Variants in GOLGA3 observed in about 807,000 individuals in gnomAD.
GOLGA3 encodes golgin subfamily A member 3.
Under a neutral mutation model 169.4 loss-of-function variants are expected in GOLGA3, and 75 were observed. The observed-to-expected ratio is 0.44, with a 90% CI of 0.37 to 0.54. The LOEUF (loss-of-function observed/expected upper bound fraction) is 0.54. GOLGA3 is among the 20% of genes least tolerant of loss of function. GOLGA3 has a pLI of 0.00. For missense variants in GOLGA3, 1,899 were observed against 1,930.0 expected, an observed-to-expected ratio of 0.98 and a Z score of 0.30; for synonymous variants, 824 against 822.4, an observed-to-expected ratio of 1.00 and a Z score of -0.03.
intron 23 of GOLGA3, 143 bp downstream of exon 23, chr12:132,774,014 G>A: frequency 1.5e-6 from 1 of 676,006 alleles, no homozygotes. Flanking sequence ...AACCTCAGAG[G>A]CTATGTATGC....
rs778564659 is a variant in GOLGA3, at chr12:132,777,762, A to T, written c.3626T>A (p.Phe1209Tyr). 6.7e-5 allele frequency: 108 copies of T among 1,613,812 alleles called. No homozygotes were observed. Among genetic ancestry groups the T allele is most frequent in the Non-Finnish European group, 7.6e-5 (90 of 1,179,950 alleles). The change falls in exon 19 of 24, where the codon TTC becomes TAC. Residue 1209 changes from phenylalanine (F) to tyrosine (Y), a missense_variant. By Grantham distance (22) the Phe-to-Tyr change is conservative. Coordinates refer to ENST00000450791, the MANE Select transcript of GOLGA3 (RefSeq NM_001389683.1). This position sits in a 1 kb window ranked among gnomAD's most constrained non-coding sequence, Gnocchi z 4.7. ...ACTCAGCTCCAAGGAGGCCGCCTTGAAGTGGCGGCGGTTATGCCCGGCTTC... is the reference window on the plus strand; with the variant it reads ...ACTCAGCTCCAAGGAGGCCGCCTTGTAGTGGCGGCGGTTATGCCCGGCTTC... ...KVEAGHNRRH[F>Y]KAASLELSEV...
chr12:132,778,573 A>T (rs1276455667), intron 18 of GOLGA3, among the ~76,000 whole-genome samples: 1 of 152,026 alleles, frequency 6.6e-6, no homozygotes, highest in African/African-American at 2.4e-5. Context: ...TCCATCTCAA[A>T]ATCTCAAAAA....
chr12:132,782,907 A>T (rs914793561), intron 16 of GOLGA3, among the ~76,000 whole-genome samples: 4 of 151,880 alleles, frequency 2.6e-5, no homozygotes, highest in African/African-American at 7.3e-5. Context: ...AAGAAAAGAA[A>T]AGAAACATCG....
chr12:132,786,430 T>C lies in GOLGA3; in HGVS notation c.3032A>G (p.Gln1011Arg), dbSNP rs755150138. The change falls in exon 15 of 24, where the codon CAG (glutamine) becomes CGG (arginine). Residue 1011 changes from glutamine to arginine, a missense_variant. Transcript: ENST00000450791. ...AGCCTCCTTGGCCGCGAGGGCCTCC[T>C]GCAGGCGGCGGCTGAGGATGCCCAC... ...NAVGILSRRL[Q>R]EALAAKEAAD... is the part of the protein sequence containing the mutation. The C allele has an allele frequency of 9.3e-6, 15 of 1,613,396 alleles. No individual in the cohort carries two copies. Among genetic ancestry groups the C allele is most frequent in the African/African-American group, 1.3e-5 (1 of 74,920 alleles).
In GOLGA3 at chr12:132,822,323, G is replaced by C. The variant is rs1200079112; in HGVS notation, c.-183-12C>G. 2.3e-6 allele frequency: 3 copies of C among 1,297,558 alleles called. No individual in the cohort carries two copies. The highest frequency in any genetic ancestry group is 3.1e-5 in the East Asian group (1 of 31,774). 80.4% of individuals were successfully genotyped at this position (1,297,558 alleles called of 1,614,324 possible). The stretch of plus-strand genomic sequence containing the variant: ...TAATATCATGATACCTGACAGGAGA[G>C]AGAGACAAAATGTATTATGAAACTT... On this transcript the variant is annotated splice_polypyrimidine_tract_variant and intron_variant, in intron 1 of 23. Transcript: ENST00000450791.
At position 132,783,878 on chromosome 12, in the gene GOLGA3, T is replaced by C. The variant is rs555311682; in HGVS notation, c.3267+286A>G. The C allele has an allele frequency of 5.1e-4, 725 of 1,422,632 alleles. 6 individuals are homozygous for C. The South Asian group carries it at 8.0e-3, about 16-fold the overall frequency. 88.1% of individuals were successfully genotyped at this position (1,422,632 alleles called of 1,614,324 possible). Reference sequence around the variant, plus strand: ...GGCATGAGCCACTCGCCTGGCGAAGTTGGGTTTCTTATTTGCAACCAAAGC... The same window carrying C: ...GGCATGAGCCACTCGCCTGGCGAAGCTGGGTTTCTTATTTGCAACCAAAGC... On this transcript the variant is annotated intron_variant, in intron 16 of 23. Transcript: ENST00000450791.
chr12:132,791,386 C>G, intron 11 of GOLGA3, 93 bp from the exon 12 acceptor site: 1 of 663,806 alleles, frequency 1.5e-6, no homozygotes, highest in Non-Finnish European at 2.7e-6. Flanking sequence ...AGGAGGGGAA[C>G]ACATCTGCAC....
Position 132,799,087 on chromosome 12 carries a change from G to A in GOLGA3, c.1801-610C>T, listed in dbSNP as rs114017726. ...CTGGGGCCTGAGGCTAGACCTGCCC[G>A]CATCGCCTCTAGCTCCATGCTGCTT... On this transcript the variant is annotated intron_variant, in intron 8 of 23. Transcript: ENST00000450791. Among the ~76,000 whole-genome samples the A allele has an allele frequency of 9.1e-3, 1,380 of 152,320 alleles. 29 individuals carry two copies. The highest frequency in any genetic ancestry group is 0.031 in the African/African-American group (1,299 of 41,554).
chr12:132,789,022 C>A lies in GOLGA3; in HGVS notation c.2811+5G>T. 2 of 1,529,568 alleles carry A rather than the reference C, an allele frequency of 1.3e-6. No homozygotes were observed. Among genetic ancestry groups the A allele is most frequent in the African/African-American group, 1.4e-5 (1 of 72,140 alleles). 94.7% of individuals were successfully genotyped at this position (1,529,568 alleles called of 1,614,324 possible). A position where few individuals can be genotyped will look rare whatever the true frequency, so the allele number is the denominator to read the frequency against. On this transcript the variant is annotated splice_donor_5th_base_variant and intron_variant, in intron 13 of 23. Transcript: ENST00000450791. ...ATCAAATGAGTCAACCCGACACGGA[C>A]AGACCTGCAAGTGTGTTTCCATCTC... is the stretch of plus-strand genomic sequence containing the variant.
chr12:132,786,855 C>A, intron 13 of GOLGA3, 68 bp from the exon 14 acceptor site: 1 of 1,079,222 alleles, frequency 9.3e-7, no homozygotes, highest in Non-Finnish European at 1.4e-6. Flanking sequence ...TTCCTGGCTC[C>A]AGCCCATCAC....
chr12:132,784,471 C>T (rs940407596), intron 15 of GOLGA3, among the ~76,000 whole-genome samples, 164 bp from the exon 16 acceptor site: 1 of 152,306 alleles, frequency 6.6e-6, no homozygotes, highest in African/African-American at 2.4e-5. Context: ...TTGAATTAAC[C>T]GACCACAGCA....
intron 8 of GOLGA3, among the ~76,000 whole-genome samples, chr12:132,799,638 G>A (rs1249280129): frequency 6.6e-6 from 1 of 152,056 alleles, no homozygotes; most frequent in Non-Finnish European, 1.5e-5. Context: ...GCAAGACCCT[G>A]TCTCCGAAAA....
chr12:132,815,411 T>C, intron 3 of GOLGA3, among the ~76,000 whole-genome samples: 1 of 152,154 alleles, frequency 6.6e-6, no homozygotes, highest in African/African-American at 2.4e-5. Flanking sequence ...CATCTGTAAC[T>C]TCAGGACCCC....
intron 8 of GOLGA3, among the ~76,000 whole-genome samples, chr12:132,799,899 C>T (rs1246753776): frequency 1.3e-5 from 2 of 152,162 alleles, no homozygotes; most frequent in Non-Finnish European, 2.9e-5. Context: ...CACCACCACA[C>T]CTGGCTAACT....
rs1462621447 is a variant in GOLGA3 at position 132,773,312 on chromosome 12, GGAA to G, written c.4308-21_4308-19del. The G allele has an allele frequency of 7.4e-7, 1 of 1,356,536 alleles. No individual in the cohort carries two copies. The highest frequency in any genetic ancestry group is 2.9e-5 in the East Asian group (1 of 34,970). The allele number at this position is 1,356,536 out of a possible 1,614,324, so 84.0% of individuals were successfully genotyped here. ...TCTCCTGCCTGGGACAGAAGAAGGA[GGAA>G]GAAGGCCCAGATCACACAAGTGCCA... On this transcript the variant is annotated intron_variant, in intron 23 of 23. Transcript: ENST00000450791.
In GOLGA3 at chr12:132,787,871, T is replaced by C. The variant is rs1425178425; in HGVS notation, c.2812-1084A>G. On this transcript the variant is annotated intron_variant, in intron 13 of 23. Transcript: ENST00000450791. ...CCTCCCCGGAGACCCCGGGACCCCT[T>C]CCCGAGACCCCAGGACCCTTCCTGA... Among the ~76,000 whole-genome samples the C allele has an allele frequency of 9.8e-4, 83 of 84,886 alleles. 3 individuals are homozygous for C. The highest frequency in any genetic ancestry group is 4.4e-3 in the African/African-American group (72 of 16,502). 55.7% of individuals were successfully genotyped at this position (84,886 alleles called of 152,430 possible).
Position 132,804,936 on chromosome 12 carries a change from G to T in GOLGA3, c.1377C>A (p.Ser459Arg). ...AGCTCAGCGAATCCTGCCGCTGCTG[G>T]CTGCTGTGGCTGCACTCCACCTGCG... is the stretch of plus-strand genomic sequence containing the variant. ...LQAQVECSHS[S>R]QQRQDSLSSE... Residue 459 changes from serine (S) to arginine (R), a missense_variant, in exon 7 of 24, where the codon AGC becomes AGA. Transcript: ENST00000450791. This position sits in a 1 kb window ranked among gnomAD's most constrained non-coding sequence, Gnocchi z 4.1. 6.2e-7 allele frequency: 1 copy of T among 1,613,508 alleles called. No homozygotes were observed. Among genetic ancestry groups the T allele is most frequent in the Non-Finnish European group, 8.5e-7 (1 of 1,179,976 alleles).
At chr12:132,776,805 C>T (rs757501898) in intron 20 of GOLGA3, 49 bp from the exon 21 acceptor site, 4 of 1,604,112 alleles carry the variant, frequency 2.5e-6, no homozygotes, top group East Asian at 2.2e-5. Context: ...AGTGGCTTTA[C>T]TGCCCTGGAA....
Position 132,787,416 on chromosome 12 carries a change from C to G in GOLGA3, c.2812-629G>C, listed in dbSNP as rs1003876277. 2.6e-5 allele frequency among the ~76,000 whole-genome samples: 4 copies of G among 151,284 alleles called. No homozygotes were observed. The South Asian group carries it at 8.4e-4, about 32-fold the overall frequency. ...TCCCCAGGGCCCCAGGAACCCTCCC[C>G]AAGGCCTAGGACCCCTCCTCAAGGA... is the stretch of plus-strand genomic sequence containing the variant. On this transcript the variant is annotated intron_variant, in intron 13 of 23. Coordinates refer to ENST00000450791, the MANE Select transcript of GOLGA3 (RefSeq NM_001389683.1).
Sources: gnomAD v4.1 joint callset for allele counts (sites outside exome capture counted in the v4.1 genomes callset) on GRCh38, gnomAD v4.1.1 for gene constraint, Gnocchi (gnomAD v3.1) non-coding constraint, MANE v1.5 for transcripts, NCBI Gene and HGNC (gene_info 2026-07-23, HGNC 2026-07-21) for gene names.